EYS: variants seen among roughly 807,000 people sequenced by gnomAD.
EYS encodes the protein EGF-like photoreceptor maintenance factor, also known as protein eyes shut homolog.
Under a neutral mutation model 282.1 loss-of-function variants are expected in EYS, and 250 were observed. The observed-to-expected ratio is 0.89, with a 90% confidence interval of 0.80 to 0.98. EYS has a LOEUF of 0.98. EYS is among the 50% of genes least tolerant of loss of function. The pLI, the probability that EYS is intolerant of heterozygous loss-of-function variation, is 0.00. For synonymous variants in EYS, 1,355 were observed against 1,282.9 expected (o/e 1.06, Z -1.20); for missense variants, 4,016 against 3,709.0 (o/e 1.08, Z -2.15).
intron 36 of EYS, among the ~76,000 whole-genome samples, chr6:63,840,279 T>A (rs1324337924): frequency 6.6e-6 from 1 of 151,424 alleles, no homozygotes; most frequent in Non-Finnish European, 1.5e-5. Flanking sequence ...TTAGCCAGGA[T>A]GGTCTCCATC....
intron 2 of EYS, among the ~76,000 whole-genome samples, chr6:65,589,200 C>A (rs1009645906): frequency 6.6e-6 from 1 of 152,010 alleles, no homozygotes; most frequent in Non-Finnish European, 1.5e-5. Context: ...TCCCAAGATC[C>A]TAAGCAGAGC....
At chr6:64,905,943 C>G (rs1272719074) in intron 16 of EYS, among the ~76,000 whole-genome samples, 1 of 151,660 alleles carries the variant, frequency 6.6e-6, no homozygotes, top group Non-Finnish European at 1.5e-5. Context: ...TAAATAAAAA[C>G]TCAAACACTT....
chr6:64,151,339 A>T (rs551073419), intron 31 of EYS, among the ~76,000 whole-genome samples: 2 of 118,562 alleles, frequency 1.7e-5, no homozygotes, highest in African/African-American at 7.9e-5. Flanking sequence ...ATATATATAT[A>T]TATATATATA....
chr6:64,707,128 CACATAT>C (rs1771047652), intron 22 of EYS, among the ~76,000 whole-genome samples: 1 of 103,566 alleles, frequency 9.7e-6, no homozygotes, highest in African/African-American at 3.3e-5. Flanking sequence ...CACACACACA[CACATAT>C]ATATATGTGT....
intron 1 of EYS, among the ~76,000 whole-genome samples, chr6:65,688,106 A>G (rs1769097956): frequency 6.6e-6 from 1 of 152,180 alleles, no homozygotes; most frequent in Non-Finnish European, 1.5e-5. Context: ...TGGAACCAAA[A>G]ATGAGCCCAC....
At chr6:64,910,548 G>A (rs1034233993) in intron 16 of EYS, among the ~76,000 whole-genome samples, 79 of 152,028 alleles carry the variant, frequency 5.2e-4, no homozygotes, top group Non-Finnish European at 1.1e-3. Flanking sequence ...CAATCACAAA[G>A]GAATAAACAC....
chr6:65,072,812 GA>G (rs1366457363), intron 12 of EYS, among the ~76,000 whole-genome samples: 1 of 151,046 alleles, frequency 6.6e-6, no homozygotes, highest in African/African-American at 2.4e-5. Context: ...ATAATTATTT[GA>G]AAAAAATCAA....
chr6:64,453,369 G>A (rs919569567), intron 26 of EYS, among the ~76,000 whole-genome samples: 24 of 152,330 alleles, frequency 1.6e-4, no homozygotes, highest in African/African-American at 5.5e-4. Flanking sequence ...AGGTGCTGGA[G>A]AGGATGTGGA....
intron 1 of EYS, among the ~76,000 whole-genome samples, chr6:65,677,390 CA>C (rs1221165669): frequency 2.0e-5 from 3 of 151,720 alleles, no homozygotes; most frequent in Non-Finnish European, 4.4e-5. Context: ...AAAAAATCAA[CA>C]TATAGAATCA....
At chr6:64,341,045 A>G (rs1771087264) in intron 29 of EYS, among the ~76,000 whole-genome samples, 1 of 151,882 alleles carries the variant, frequency 6.6e-6, no homozygotes, top group Admixed American at 6.6e-5. Context: ...AATGCCAATT[A>G]TAAAAAATCG....
intron 41 of EYS, chr6:63,743,989 G>C (rs1769147833): frequency 6.6e-6 from 1 of 152,148 alleles, no homozygotes; most frequent in Non-Finnish European, 1.5e-5. Context: ...AAGATTTGTA[G>C]ATGTTATGAG....
intron 2 of EYS, among the ~76,000 whole-genome samples, chr6:65,618,822 T>A (rs1167670398): frequency 1.3e-5 from 2 of 152,172 alleles, no homozygotes; most frequent in Non-Finnish European, 2.9e-5. Context: ...CCTTTCCCCA[T>A]TGCTTGTTTT....
intron 30 of EYS, among the ~76,000 whole-genome samples, chr6:64,304,055 A>T (rs1301600717): frequency 6.6e-6 from 1 of 152,120 alleles, no homozygotes; most frequent in Non-Finnish European, 1.5e-5. Context: ...GGCAATGTTA[A>T]TTACCCTCTA....
chr6:65,562,360 G>T (rs1769097524), intron 2 of EYS, among the ~76,000 whole-genome samples: 1 of 152,036 alleles, frequency 6.6e-6, no homozygotes, highest in African/African-American at 2.4e-5. Flanking sequence ...AAGAGGAAGA[G>T]TTAATATATT....
intron 2 of EYS, among the ~76,000 whole-genome samples, chr6:65,567,519 G>C (rs1425270922): frequency 6.6e-6 from 1 of 151,622 alleles, no homozygotes; most frequent in Non-Finnish European, 1.5e-5. Flanking sequence ...TTTAAATAAG[G>C]CCAGATGATC....
chr6:65,644,825 A>C (rs1286180768), intron 1 of EYS, among the ~76,000 whole-genome samples: 1 of 152,196 alleles, frequency 6.6e-6, no homozygotes. Flanking sequence ...AAGCTTTATA[A>C]ATGAAGGAAA....
At chr6:65,508,700 A>T (rs1028190561) in intron 2 of EYS, among the ~76,000 whole-genome samples, 5 of 151,734 alleles carry the variant, frequency 3.3e-5, no homozygotes, top group Non-Finnish European at 7.4e-5. Flanking sequence ...GTTTCTTCTT[A>T]TATGAATTTC....
intron 19 of EYS, among the ~76,000 whole-genome samples, chr6:64,864,839 C>G (rs1393638380): frequency 6.6e-6 from 1 of 151,600 alleles, no homozygotes; most frequent in Non-Finnish European, 1.5e-5. Flanking sequence ...AGTTTGAGAC[C>G]AGCCTGGCCA....
chr6:64,953,683 C>G (rs1769591593), intron 14 of EYS, among the ~76,000 whole-genome samples: 1 of 151,522 alleles, frequency 6.6e-6, no homozygotes, highest in South Asian at 2.1e-4. Flanking sequence ...ATTATTCTGA[C>G]AGAAAGTAAA....
Sources: gnomAD v4.1 joint callset for allele counts (sites outside exome capture counted in the v4.1 genomes callset) on GRCh38, gnomAD v4.1.1 for gene constraint, MANE v1.5 for transcripts, NCBI Gene and HGNC (gene_info 2026-07-23, HGNC 2026-07-21) for gene names.